The following MBNL1 variants were observed in gnomAD, a reference collection of about 807,000 sequenced individuals.
MBNL1 encodes muscleblind-like protein 1.
In MBNL1, 8 loss-of-function variants were observed where a neutral mutation model predicts 42.2. The ratio of observed to expected loss-of-function variants is 0.19; its 90% CI spans 0.11 to 0.34. The LOEUF is 0.34. MBNL1 is among the 10% of genes least tolerant of loss of function. MBNL1 has a pLI of 1.00. For missense variants in MBNL1, 309 were observed against 495.3 expected, an observed-to-expected ratio of 0.62 and a Z score of 3.57; for synonymous variants, 169 against 173.9, an observed-to-expected ratio of 0.97 and a Z score of 0.22.
intron 1 of MBNL1, among the ~76,000 whole-genome samples, chr3:152,283,138 G>A (rs1316469318): frequency 6.6e-6 from 1 of 152,170 alleles, no homozygotes; most frequent in Non-Finnish European, 1.5e-5. Flanking sequence ...AGATTTTAGA[G>A]CAATCACCAA....
At chr3:152,437,477 TC>T (rs559605691) in intron 4 of MBNL1, among the ~76,000 whole-genome samples, 370 of 152,304 alleles carry the variant, frequency 2.4e-3, no homozygotes, top group African/African-American at 8.1e-3. Context: ...ATGCTCTTAT[TC>T]TCTGGGCTTC....
At chr3:152,303,086 G>A (rs2061411765) in intron 2 of MBNL1, among the ~76,000 whole-genome samples, 1 of 151,474 alleles carries the variant, frequency 6.6e-6, no homozygotes, top group African/African-American at 2.4e-5. Context: ...GAAGTCAATT[G>A]GTATGTTACT....
rs147490351 is a variant in MBNL1 at position 152,387,328 on chromosome 3, G to T, written c.175-27613G>T. Among the ~76,000 whole-genome samples the T allele has an allele frequency of 4.2e-3, 631 of 149,290 alleles. 3 individuals carry two copies. The highest frequency in any genetic ancestry group is 6.7e-3 in the Admixed American group (99 of 14,826). ...CAAGTACAAGACAGTATTGCAGTTTGTGTTGAATGTAAAACTGTTATTAAA... is the reference window on the plus strand; with the variant it reads ...CAAGTACAAGACAGTATTGCAGTTTTTGTTGAATGTAAAACTGTTATTAAA... On this transcript the variant is annotated intron_variant, in intron 2 of 9. Coordinates refer to ENST00000324210, the MANE Select transcript of MBNL1 (RefSeq NM_021038.5).
rs2152807155 is a variant in MBNL1, at chr3:152,339,782, A to C, written c.174+39415A>C. The stretch of plus-strand genomic sequence containing the variant: ...AAAATGAAAAATATTGATCTTTGAC[A>C]GTGTTTATTAAGGATGCTTTTTATT... On this transcript the variant is annotated intron_variant, in intron 2 of 9. Transcript: ENST00000324210. 2 of 152,248 alleles carry C rather than the reference A, an allele frequency of 1.3e-5. 1 individual carries two copies. The highest frequency in any genetic ancestry group is 4.8e-5 in the African/African-American group (2 of 41,560). 9.4% of individuals were successfully genotyped at this position (152,248 alleles called of 1,614,324 possible). A position where few individuals can be genotyped will look rare whatever the true frequency, so the allele number is the denominator to read the frequency against.
rs1560004748 is a variant in MBNL1, at chr3:152,286,438, T to TTATATTTTATTTATATTATAAA, written c.-789-12952_-789-12951insTTATAAATATATTTTATTTATA. 1.6e-3 allele frequency among the ~76,000 whole-genome samples: 159 copies of TTATATTTTATTTATATTATAAA among 100,870 alleles called. 3 individuals carry two copies. The highest frequency in any genetic ancestry group is 5.5e-3 in the African/African-American group (147 of 26,636). The allele number at this position is 100,870 out of a possible 152,430, so 66.2% of individuals were successfully genotyped here. A position where few individuals can be genotyped will look rare whatever the true frequency, so the allele number is the denominator to read the frequency against. On this transcript the variant is annotated intron_variant, in intron 1 of 9. Transcript: ENST00000324210. The stretch of plus-strand genomic sequence containing the variant: ...TATATTTTATTTATAATATAAATAT[T>TTATATTTTATTTATATTATAAA]TATATTTTATTTATAATATAAATAT...
intron 2 of MBNL1, among the ~76,000 whole-genome samples, chr3:152,362,640 G>A (rs937450103): frequency 3.3e-5 from 5 of 152,020 alleles, no homozygotes; most frequent in African/African-American, 1.2e-4. Flanking sequence ...AGCATCTCTG[G>A]CCTCCACCTG....
intron 2 of MBNL1, among the ~76,000 whole-genome samples, chr3:152,310,558 G>C (rs982086278): frequency 6.6e-6 from 1 of 152,172 alleles, no homozygotes; most frequent in Non-Finnish European, 1.5e-5. Flanking sequence ...ACATACGTGG[G>C]CAAGTATTTG....
intron 2 of MBNL1, among the ~76,000 whole-genome samples, chr3:152,335,633 T>C (rs952846852): frequency 4.0e-5 from 6 of 151,874 alleles, no homozygotes; most frequent in African/African-American, 1.2e-4. Context: ...CTTTTTTTTT[T>C]CACAACAGTA....
intron 1 of MBNL1, among the ~76,000 whole-genome samples, chr3:152,294,692 C>G (rs745327533): frequency 2.6e-5 from 4 of 152,086 alleles, no homozygotes; most frequent in Non-Finnish European, 5.9e-5. Flanking sequence ...TAGTAGAAAT[C>G]TTTCCTTTAA....
upstream of MBNL1, chr3:152,266,137 T>C (rs990384850): frequency 6.6e-6 from 1 of 152,224 alleles, no homozygotes; most frequent in Admixed American, 6.5e-5. Flanking sequence ...AATTTAGTGT[T>C]ATATCACAAT....
At chr3:152,253,430 G>A (rs141857960) in intron 2 of MBNL1, among the ~76,000 whole-genome samples, 108 of 152,120 alleles carry the variant, frequency 7.1e-4, no homozygotes, top group Middle Eastern at 3.4e-3. Context: ...TGGTCTGGAC[G>A]TCTCTGTTTT....
intron 2 of MBNL1, among the ~76,000 whole-genome samples, chr3:152,329,729 T>C (rs969225814): frequency 6.8e-6 from 1 of 147,226 alleles, no homozygotes; most frequent in Non-Finnish European, 1.5e-5. Context: ...TCATATATAA[T>C]ATATAATATA....
intron 1 of MBNL1, among the ~76,000 whole-genome samples, chr3:152,275,210 CAA>C (rs984266390): frequency 1.3e-5 from 2 of 152,078 alleles, no homozygotes; most frequent in Non-Finnish European, 2.9e-5. Flanking sequence ...GTGACAGATA[CAA>C]AGAGTTGGAG....
intron 2 of MBNL1, among the ~76,000 whole-genome samples, chr3:152,366,757 T>TTGTG (rs1344787578): frequency 6.6e-6 from 1 of 152,184 alleles, no homozygotes; most frequent in Non-Finnish European, 1.5e-5. Flanking sequence ...TTATGCTTTG[T>TTGTG]TGTTTTTGTT....
intron 2 of MBNL1, among the ~76,000 whole-genome samples, chr3:152,365,411 T>G (rs1490847483): frequency 3.3e-5 from 5 of 152,150 alleles, no homozygotes; most frequent in Non-Finnish European, 7.4e-5. Flanking sequence ...ACTCACCTAT[T>G]AAAATTGTCA....
At chr3:152,343,493 G>A (rs536933929) in intron 2 of MBNL1, among the ~76,000 whole-genome samples, 6 of 152,090 alleles carry the variant, frequency 3.9e-5, no homozygotes, top group African/African-American at 1.4e-4. Flanking sequence ...AACAGTGTCT[G>A]GGAAATAGTG....
At position 152,320,494 on chromosome 3, in the gene MBNL1, C is replaced by T. The variant is rs116377113; in HGVS notation, c.174+20127C>T. On this transcript the variant is annotated intron_variant, in intron 2 of 9. Transcript: ENST00000324210. ...ATAGCTGTATATACAGCCCATGTCT[C>T]AGAGGGGAATGATAAATTGGCCTGT... 5.7e-3 allele frequency among the ~76,000 whole-genome samples: 874 copies of T among 152,130 alleles called. 8 individuals carry two copies. Among genetic ancestry groups the T allele is most frequent in the African/African-American group, 0.02 (834 of 41,516 alleles).
At chr3:152,334,190 G>C (rs1027909430) in intron 2 of MBNL1, among the ~76,000 whole-genome samples, 1 of 152,098 alleles carries the variant, frequency 6.6e-6, no homozygotes, top group African/African-American at 2.4e-5. Flanking sequence ...TTGCTAATGA[G>C]GAGTGTTATT....
chr3:152,309,891 G>A (rs551176461), intron 2 of MBNL1, among the ~76,000 whole-genome samples: 1 of 152,178 alleles, frequency 6.6e-6, no homozygotes, highest in South Asian at 2.1e-4. Context: ...ATAAGCTTTC[G>A]AGCTTCTGAA....
Sources: allele counts gnomAD v4.1 joint callset (sites outside exome capture counted in the v4.1 genomes callset), GRCh38; gene constraint gnomAD v4.1.1; transcripts MANE v1.5; gene names NCBI Gene and HGNC (gene_info 2026-07-23, HGNC 2026-07-21).